CSMD1: variants seen among roughly 807,000 people sequenced by gnomAD.
CSMD1 encodes CUB and sushi domain-containing protein 1.
CSMD1 carries 213 observed loss-of-function variants against 417.5 expected under a neutral mutation model. The ratio of observed to expected loss-of-function variants is 0.51; its 90% CI spans 0.46 to 0.57. The LOEUF (loss-of-function observed/expected upper bound fraction) is 0.57, where lower values mean the gene tolerates loss of function less well. Ranked by LOEUF, CSMD1 falls within the 20% of genes least tolerant of loss-of-function variation. The pLI, the probability that CSMD1 is intolerant of heterozygous loss-of-function variation, is 0.00. For synonymous variants in CSMD1, 2,862 were observed against 1,736.8 expected (o/e 1.65, Z -16.11); for missense variants, 6,923 against 4,529.7 (o/e 1.53, Z -15.17).
intron 3 of CSMD1, among the ~76,000 whole-genome samples, chr8:4,128,683 C>G (rs908760683): frequency 6.6e-6 from 1 of 152,064 alleles, no homozygotes; most frequent in South Asian, 2.1e-4. Context: ...ATCCCATACC[C>G]CACAACCTCA....
intron 52 of CSMD1, among the ~76,000 whole-genome samples, chr8:3,005,472 A>C (rs1563228598): frequency 6.6e-6 from 1 of 152,282 alleles, no homozygotes; most frequent in South Asian, 2.1e-4. Context: ...ACAACCAAAA[A>C]AGAGAATTTT....
chr8:3,423,496 C>G (rs973223901), intron 12 of CSMD1, among the ~76,000 whole-genome samples: 3 of 152,148 alleles, frequency 2.0e-5, no homozygotes, highest in African/African-American at 7.2e-5. Flanking sequence ...ATTTGGTTCC[C>G]TGTATCAGTA....
At chr8:4,583,969 C>T (rs776101336) in intron 2 of CSMD1, among the ~76,000 whole-genome samples, 37 of 151,984 alleles carry the variant, frequency 2.4e-4, no homozygotes, top group Non-Finnish European at 4.4e-4. Context: ...ACTCCTGAAG[C>T]CAACGAGACC....
intron 52 of CSMD1, among the ~76,000 whole-genome samples, chr8:3,006,389 C>T: frequency 6.7e-6 from 1 of 149,274 alleles, no homozygotes; most frequent in Non-Finnish European, 1.5e-5. Flanking sequence ...ATCAAGCTAC[C>T]AATGACTTTC....
At chr8:2,984,022 G>A (rs1267212480) in intron 54 of CSMD1, among the ~76,000 whole-genome samples, 3 of 152,116 alleles carry the variant, frequency 2.0e-5, no homozygotes, top group East Asian at 1.9e-4. Context: ...TGTTCCCTGA[G>A]CAAATAGAAA....
At chr8:4,732,609 G>A (rs73175322) in intron 1 of CSMD1, among the ~76,000 whole-genome samples, 12,920 of 152,158 alleles carry the variant, frequency 0.085, 687 homozygotes, top group Non-Finnish European at 0.11. Context: ...ACCCCAGACA[G>A]CAGAAGACAC....
intron 10 of CSMD1, among the ~76,000 whole-genome samples, chr8:3,571,958 C>G (rs547274402): frequency 1.3e-5 from 2 of 152,126 alleles, no homozygotes; most frequent in Non-Finnish European, 2.9e-5. Context: ...TTCGTCTCCT[C>G]GTGGATCCCC....
intron 1 of CSMD1, among the ~76,000 whole-genome samples, chr8:4,780,201 T>C (rs1317797434): frequency 6.6e-6 from 1 of 152,218 alleles, no homozygotes; most frequent in African/African-American, 2.4e-5. Flanking sequence ...TAGGGGATTA[T>C]GTGTAAAAAT....
intron 25 of CSMD1, among the ~76,000 whole-genome samples, chr8:3,302,180 G>A (rs1182575032): frequency 6.6e-6 from 1 of 152,124 alleles, no homozygotes; most frequent in Non-Finnish European, 1.5e-5. Context: ...TGAGGAGTTG[G>A]GAACACGTGA....
intron 2 of CSMD1, among the ~76,000 whole-genome samples, chr8:4,594,875 G>C (rs970296516): frequency 6.6e-6 from 1 of 152,124 alleles, no homozygotes; most frequent in African/African-American, 2.4e-5. Context: ...ATGCTGAAGA[G>C]AAATGACTCT....
At chr8:3,967,302 C>G (rs886155516) in intron 5 of CSMD1, among the ~76,000 whole-genome samples, 1 of 151,962 alleles carries the variant, frequency 6.6e-6, no homozygotes, top group East Asian at 1.9e-4. Context: ...TTGTTCCTTC[C>G]CTTACACCTG....
intron 5 of CSMD1, among the ~76,000 whole-genome samples, chr8:3,831,400 C>A (rs1243529363): frequency 2.6e-5 from 4 of 152,086 alleles, no homozygotes; most frequent in African/African-American, 4.8e-5. Flanking sequence ...ATTCTTGGAA[C>A]TGCCCTCACA....
chr8:4,182,745 A>T (rs1453525658), intron 3 of CSMD1, among the ~76,000 whole-genome samples: 4 of 150,616 alleles, frequency 2.7e-5, no homozygotes, highest in African/African-American at 9.9e-5. Context: ...ATGGAACATC[A>T]TTTTTTTTTC....
intron 51 of CSMD1, among the ~76,000 whole-genome samples, chr8:3,028,737 G>C (rs911184960): frequency 1.3e-5 from 2 of 152,080 alleles, no homozygotes; most frequent in African/African-American, 4.8e-5. Flanking sequence ...TATTCTACTT[G>C]TTTTTATGCA....
chr8:4,057,884 T>G (rs1242419736), intron 3 of CSMD1, among the ~76,000 whole-genome samples: 1 of 152,302 alleles, frequency 6.6e-6, no homozygotes, highest in East Asian at 1.9e-4. Flanking sequence ...TTCTGTTCCA[T>G]TGATCTATAT....
At position 4,280,365 on chromosome 8, in the gene CSMD1, T is replaced by G. The variant is rs1796712673; in HGVS notation, c.415+139588A>C. On this transcript the variant is annotated intron_variant, in intron 3 of 69. Coordinates refer to ENST00000635120, the MANE Select transcript of CSMD1 (RefSeq NM_033225.6). The stretch of plus-strand genomic sequence containing the variant: ...AAAATAATTTCTAATAAATAATAAT[T>G]GAATAGACACGACATGTTTTCTTCA... Among the ~76,000 whole-genome samples, 3 of 152,182 alleles carry G rather than the reference T, an allele frequency of 2.0e-5. No individual in the cohort carries two copies. The South Asian group carries it at 6.2e-4, about 31-fold the overall frequency.
chr8:3,261,761 T>C (rs1247518956), intron 26 of CSMD1, among the ~76,000 whole-genome samples: 1 of 152,104 alleles, frequency 6.6e-6, no homozygotes, highest in African/African-American at 2.4e-5. Flanking sequence ...GACGACACAC[T>C]GCCTGATTCC....
At chr8:4,656,831 G>A (rs758799747) in intron 1 of CSMD1, among the ~76,000 whole-genome samples, 8 of 152,096 alleles carry the variant, frequency 5.3e-5, no homozygotes, top group Non-Finnish European at 1.0e-4. Context: ...CTTCCCCAGA[G>A]AAACCACATT....
At chr8:4,766,902 G>A (rs1272657289) in intron 1 of CSMD1, among the ~76,000 whole-genome samples, 2 of 152,112 alleles carry the variant, frequency 1.3e-5, no homozygotes, top group African/African-American at 2.4e-5. Context: ...TTTCCGCAGG[G>A]CTTGAAGATT....
Sources: gnomAD v4.1 joint callset for allele counts (sites outside exome capture counted in the v4.1 genomes callset) on GRCh38, gnomAD v4.1.1 for gene constraint, MANE v1.5 for transcripts, NCBI Gene and HGNC (gene_info 2026-07-23, HGNC 2026-07-21) for gene names.